ZNF652: variants seen among roughly 807,000 people sequenced by gnomAD.
ZNF652 encodes zinc finger protein 652.
In ZNF652, 16 loss-of-function variants were observed where a neutral mutation model predicts 45.2. That is an observed-to-expected ratio of 0.35 (90% CI 0.24 to 0.54). The LOEUF is 0.54. Ranked by LOEUF, ZNF652 falls within the 20% of genes least tolerant of loss-of-function variation. The probability of loss-of-function intolerance (pLI) is 0.91; values close to 1 mark genes in which losing one functional copy is unlikely to be tolerated. For missense variants in ZNF652, 614 were observed against 765.6 expected (o/e 0.80, Z 2.34); for synonymous variants, 250 against 260.6 (o/e 0.96, Z 0.39).
intron 3 of ZNF652, 36 bp from the exon 4 acceptor site, chr17:49,312,078 T>C: frequency 6.9e-7 from 1 of 1,457,260 alleles, no homozygotes; most frequent in Non-Finnish European, 9.4e-7. Context: ...CAAAACAAAA[T>C]CCACCAAAAA....
chr17:49,308,659 A>G (rs988858437), intron 5 of ZNF652, among the ~76,000 whole-genome samples: 1 of 152,070 alleles, frequency 6.6e-6, no homozygotes, highest in African/African-American at 2.4e-5. Context: ...AAAATTAGCC[A>G]GGCACGGTGG....
chr17:49,325,121 C>A (rs567638738), intron 1 of ZNF652, among the ~76,000 whole-genome samples: 1 of 152,114 alleles, frequency 6.6e-6, no homozygotes, highest in African/African-American at 2.4e-5. Flanking sequence ...AAGAGGCCTA[C>A]GTTTTGGCCT....
Position 49,294,950 on chromosome 17 carries a change from C to T in ZNF652, c.*3463G>A, listed in dbSNP as rs1367652826. The T allele has an allele frequency of 6.6e-6, 1 of 152,148 alleles. No homozygotes were observed. The highest frequency in any genetic ancestry group is 1.5e-5 in the Non-Finnish European group (1 of 68,030). The allele number at this position is 152,148 out of a possible 1,614,324, so 9.4% of individuals were successfully genotyped here. ...GTGCTGTAGCATATATGGAAGAGAA[C>T]ATACCACATAATGCAACTTTTATCT... is the stretch of plus-strand genomic sequence containing the variant. On this transcript the variant is annotated 3_prime_UTR_variant, in exon 6 of 6. Coordinates refer to ENST00000430262, the MANE Select transcript of ZNF652 (RefSeq NM_001145365.3).
chr17:49,319,777 GA>G (rs369193954), intron 1 of ZNF652, among the ~76,000 whole-genome samples: 4 of 151,944 alleles, frequency 2.6e-5, no homozygotes, highest in African/African-American at 9.7e-5. Context: ...GAACAGCTAG[GA>G]CCAGAGGCAT....
chr17:49,316,163 A>G (rs1317614964), intron 2 of ZNF652, among the ~76,000 whole-genome samples: 1 of 152,258 alleles, frequency 6.6e-6, no homozygotes, highest in Non-Finnish European at 1.5e-5. Context: ...TCCTTTCACG[A>G]CAACAGCCTG....
At chr17:49,309,029 G>A (rs912880305) in intron 5 of ZNF652, among the ~76,000 whole-genome samples, 2 of 152,002 alleles carry the variant, frequency 1.3e-5, no homozygotes, top group Admixed American at 6.6e-5. Flanking sequence ...GAGAAAGAGG[G>A]AGGAAGGAAT....
Position 49,298,540 on chromosome 17 carries a change from G to C in ZNF652, c.1694C>G (p.Pro565Arg). ...HPHHPHHLPI[P>R]PVPHLPPPPA... The stretch of plus-strand genomic sequence containing the variant: ...AGGTGGCGGGAGGTGAGGGACTGGA[G>C]GGATGGGAAGGTGGTGTGGGTGGTG... The change falls in exon 6 of 6, where the codon CCT (proline) becomes CGT (arginine). Residue 565 changes from proline to arginine, a missense_variant. Transcript: ENST00000430262. The C allele has an allele frequency of 6.2e-7, 1 of 1,612,196 alleles. No individual in the cohort carries two copies. The highest frequency in any genetic ancestry group is 1.3e-5 in the African/African-American group (1 of 74,986).
chr17:49,324,923 T>C (rs1014547504), intron 1 of ZNF652, among the ~76,000 whole-genome samples: 1 of 150,836 alleles, frequency 6.6e-6, no homozygotes, highest in Non-Finnish European at 1.5e-5. Flanking sequence ...GTATTTTTAA[T>C]AGAGACTAGG....
chr17:49,298,380 T>C lies in ZNF652; in HGVS notation c.*33A>G. On this transcript the variant is annotated 3_prime_UTR_variant, in exon 6 of 6. Coordinates refer to ENST00000430262, the MANE Select transcript of ZNF652 (RefSeq NM_001145365.3). ...CTGTGCACGCTCACACATGGGGACG[T>C]GTCTCCTGGAGAACACACTAAGGAG... 6.2e-7 allele frequency: 1 copy of C among 1,611,198 alleles called. No homozygotes were observed. Among genetic ancestry groups the C allele is most frequent in the Non-Finnish European group, 8.5e-7 (1 of 1,179,502 alleles).
intron 5 of ZNF652, among the ~76,000 whole-genome samples, chr17:49,299,573 G>A (rs1012321515): frequency 6.6e-6 from 1 of 151,870 alleles, no homozygotes; most frequent in African/African-American, 2.4e-5. Flanking sequence ...TAGAAACGGG[G>A]TTTCGCCATT....
chr17:49,342,549 G>T (rs2070158798), intron 1 of ZNF652, among the ~76,000 whole-genome samples: 1 of 16,842 alleles, frequency 5.9e-5, no homozygotes, highest in Non-Finnish European at 1.4e-4. Context: ...CCAGATAACA[G>T]ATAAAGGGGG....
In ZNF652 at chr17:49,298,956, C is replaced by T. The variant is rs559785831; in HGVS notation, c.1310-32G>A. On this transcript the variant is annotated intron_variant, in intron 5 of 5. Coordinates refer to ENST00000430262, the MANE Select transcript of ZNF652 (RefSeq NM_001145365.3). ...TGAACACAGACATAAAAATGATTAACATATTAGGTGGTAATTGTGTGCTCA... is the reference window on the plus strand; with the variant it reads ...TGAACACAGACATAAAAATGATTAATATATTAGGTGGTAATTGTGTGCTCA... The T allele has an allele frequency of 1.2e-4, 194 of 1,568,512 alleles. 4 individuals are homozygous for T. The South Asian group carries it at 2.1e-3, about 17-fold the overall frequency.
intron 1 of ZNF652, among the ~76,000 whole-genome samples, chr17:49,350,278 C>T (rs2070256482): frequency 6.6e-6 from 1 of 152,032 alleles, no homozygotes; most frequent in South Asian, 2.1e-4. Context: ...GTGGCTCATG[C>T]CTGTAATCCC....
rs1567694154 is a variant in ZNF652 at position 49,336,058 on chromosome 17, G to A, written c.-258-18075C>T. On this transcript the variant is annotated intron_variant, in intron 1 of 5. Coordinates refer to ENST00000430262, the MANE Select transcript of ZNF652 (RefSeq NM_001145365.3). ...TTTTTGTTTTGATACAGAGTCTCCC[G>A]CCATCGCTCAGGCTAGAGTGCAGTG... 2.6e-5 allele frequency among the ~76,000 whole-genome samples: 4 copies of A among 151,032 alleles called. No individual in the cohort carries two copies. In the South Asian group the frequency reaches 6.3e-4, roughly 24 times the overall value.
intron 1 of ZNF652, among the ~76,000 whole-genome samples, chr17:49,331,814 T>A (rs2070027931): frequency 6.6e-6 from 1 of 152,040 alleles, no homozygotes; most frequent in South Asian, 2.1e-4. Context: ...ACATTTTGTA[T>A]AAAAATTAGC....
At chr17:49,356,466 A>T (rs1027150340) in intron 1 of ZNF652, among the ~76,000 whole-genome samples, 13 of 151,258 alleles carry the variant, frequency 8.6e-5, no homozygotes, top group African/African-American at 3.2e-4. Context: ...AACCAAAAAA[A>T]AAACAAAAAA....
chr17:49,317,217 C>A lies in ZNF652; in HGVS notation c.509G>T (p.Gly170Val). 1 of 1,613,466 alleles carries A rather than the reference C, an allele frequency of 6.2e-7. No individual in the cohort carries two copies. ...EEATDDSNDY[G>V]ENEKQKKKEK... is the part of the protein sequence containing the mutation. The stretch of plus-strand genomic sequence containing the variant: ...CTTTTTCTTCTGCTTTTCATTCTCT[C>A]CATAGTCATTGCTGTCATCTGTGGC... The change falls in exon 2 of 6, where the codon GGA (glycine) becomes GTA (valine). Residue 170 changes from glycine (G) to valine (V), a missense_variant. This residue lies in a region of ZNF652 where 262 missense variants were observed against 306.3 expected (regional missense o/e 0.86). Transcript: ENST00000430262.
chr17:49,302,735 G>A (rs933560841), intron 5 of ZNF652, among the ~76,000 whole-genome samples: 2 of 152,108 alleles, frequency 1.3e-5, no homozygotes, highest in Non-Finnish European at 2.9e-5. Flanking sequence ...GCTGAGGCAC[G>A]CGGATCATTT....
intron 1 of ZNF652, among the ~76,000 whole-genome samples, chr17:49,332,502 T>C (rs995039773): frequency 2.0e-5 from 3 of 152,162 alleles, no homozygotes; most frequent in African/African-American, 4.8e-5. Flanking sequence ...ATCCTCTCTC[T>C]CCCAAAAGGA....
Sources: gnomAD v4.1 joint callset for allele counts (sites outside exome capture counted in the v4.1 genomes callset) on GRCh38, gnomAD v4.1.1 for gene constraint, gnomAD v4.1.1 regional missense constraint, MANE v1.5 for transcripts, NCBI Gene and HGNC (gene_info 2026-07-23, HGNC 2026-07-21) for gene names.